The following SNX29 variants were observed in gnomAD, a reference collection of about 807,000 sequenced individuals.
The protein encoded by SNX29 is sorting nexin-29.
SNX29 carries 78 observed loss-of-function variants against 102.1 expected under a neutral mutation model. The observed-to-expected ratio is 0.76, with a 90% CI of 0.64 to 0.92. The LOEUF is 0.92. Ranked by LOEUF, SNX29 falls within the 40% of genes least tolerant of loss-of-function variation. The pLI is 0.00. For missense variants in SNX29, 1,280 were observed against 1,061.7 expected (o/e 1.21, Z -2.86); for synonymous variants, 580 against 414.5 (o/e 1.40, Z -4.85).
intron 19 of SNX29, among the ~76,000 whole-genome samples, chr16:12,522,760 T>G (rs2090147950): frequency 6.6e-6 from 1 of 152,190 alleles, no homozygotes; most frequent in Non-Finnish European, 1.5e-5. Context: ...CATGAGCCAG[T>G]TAAACCTCTT....
At chr16:12,140,202 CTCTT>C (rs1372309530) in intron 13 of SNX29, among the ~76,000 whole-genome samples, 4 of 152,216 alleles carry the variant, frequency 2.6e-5, no homozygotes, top group African/African-American at 7.2e-5. Flanking sequence ...TGTCTCCTCT[CTCTT>C]TCCCTCGGTC....
At chr16:12,145,597 C>G (rs1214097023) in intron 13 of SNX29, among the ~76,000 whole-genome samples, 1 of 152,164 alleles carries the variant, frequency 6.6e-6, no homozygotes, top group Non-Finnish European at 1.5e-5. Flanking sequence ...ACACAATTAC[C>G]ATCAATGAAT....
chr16:12,071,312 G>A lies in SNX29; in HGVS notation c.1319+2180G>A, dbSNP rs368527422. 3.9e-5 allele frequency among the ~76,000 whole-genome samples: 6 copies of A among 152,264 alleles called. No individual in the cohort carries two copies. In the East Asian group the frequency reaches 5.8e-4, roughly 15 times the overall value. On this transcript the variant is annotated intron_variant, in intron 10 of 20. Transcript: ENST00000566228. ...GTTTTTATGGTTTTAGGTCTAACAT[G>A]TAAGTCTTTAATCCATCTTGAATTA...
intron 18 of SNX29, among the ~76,000 whole-genome samples, chr16:12,408,726 A>T (rs1056090957): frequency 6.6e-6 from 1 of 152,226 alleles, no homozygotes; most frequent in Non-Finnish European, 1.5e-5. Context: ...AGGCTGAGGC[A>T]GGAGACTCAC....
rs764285313 is a variant in SNX29 at position 12,198,214 on chromosome 16, TGGGAAA to T, written c.1596-1385_1596-1380del. On this transcript the variant is annotated intron_variant, in intron 13 of 20. Coordinates refer to ENST00000566228, the MANE Select transcript of SNX29 (RefSeq NM_032167.5). The stretch of plus-strand genomic sequence containing the variant: ...ACTAGGTTTTTGCCATTGGTTACCA[TGGGAAA>T]GTGTTGAGTGGAACAGTAAACAAGG... 7.2e-5 allele frequency among the ~76,000 whole-genome samples: 11 copies of T among 152,184 alleles called. No homozygotes were observed. In the South Asian group the frequency reaches 1.5e-3, roughly 20 times the overall value.
chr16:12,538,839 T>G (rs558173973), intron 20 of SNX29, among the ~76,000 whole-genome samples: 1 of 152,140 alleles, frequency 6.6e-6, no homozygotes, highest in African/African-American at 2.4e-5. Context: ...CAAAGTCACG[T>G]GGCAAAGAGG....
intron 18 of SNX29, among the ~76,000 whole-genome samples, chr16:12,475,272 G>T (rs920496357): frequency 2.6e-5 from 4 of 152,232 alleles, no homozygotes; most frequent in Non-Finnish European, 5.9e-5. Flanking sequence ...GCCTCAGATG[G>T]TTAATGCCAC....
At chr16:12,353,370 C>A (rs1044553955) in intron 15 of SNX29, among the ~76,000 whole-genome samples, 3 of 152,350 alleles carry the variant, frequency 2.0e-5, no homozygotes, top group Admixed American at 6.5e-5. Flanking sequence ...AACCAGCTCT[C>A]ATCCACTGGG....
intron 20 of SNX29, among the ~76,000 whole-genome samples, chr16:12,550,226 C>G (rs1567176701): frequency 6.6e-6 from 1 of 152,158 alleles, no homozygotes; most frequent in African/African-American, 2.4e-5. Flanking sequence ...CCACACAATA[C>G]CTTTCTAATT....
chr16:11,994,818 T>C (rs1238033573), intron 1 of SNX29, among the ~76,000 whole-genome samples: 1 of 152,146 alleles, frequency 6.6e-6, no homozygotes, highest in Non-Finnish European at 1.5e-5. Context: ...ACTGGTAGCA[T>C]TGATTGCTCT....
intron 15 of SNX29, among the ~76,000 whole-genome samples, chr16:12,322,870 GGTCACTGGA>G (rs2080988195): frequency 6.9e-6 from 1 of 145,900 alleles, no homozygotes; most frequent in South Asian, 2.2e-4. Flanking sequence ...GTCAGGATGC[GGTCACTGGA>G]GTCACTGGGG....
intron 13 of SNX29, among the ~76,000 whole-genome samples, chr16:12,148,045 C>A (rs369812343): frequency 6.6e-6 from 1 of 152,154 alleles, no homozygotes; most frequent in Non-Finnish European, 1.5e-5. Context: ...CAAACATAGC[C>A]GAAGCAAAGA....
chr16:12,554,150 GTT>G (rs1425516813), intron 20 of SNX29, among the ~76,000 whole-genome samples: 1 of 152,164 alleles, frequency 6.6e-6, no homozygotes, highest in East Asian at 1.9e-4. Flanking sequence ...TCTTTACTGT[GTT>G]TAAGTAAATG....
At chr16:12,555,085 A>T (rs575443626) in intron 20 of SNX29, among the ~76,000 whole-genome samples, 1 of 151,674 alleles carries the variant, frequency 6.6e-6, no homozygotes, top group Admixed American at 6.6e-5. Flanking sequence ...GTGGAGGAAA[A>T]GTGAAAGGGC....
chr16:12,225,082 A>C (rs1596554483), intron 14 of SNX29, among the ~76,000 whole-genome samples: 1 of 152,174 alleles, frequency 6.6e-6, no homozygotes, highest in Non-Finnish European at 1.5e-5. Context: ...ATTCTAACAA[A>C]CAGTGCCTTT....
At chr16:12,461,733 G>A (rs1228950397) in intron 18 of SNX29, among the ~76,000 whole-genome samples, 4 of 151,612 alleles carry the variant, frequency 2.6e-5, no homozygotes, top group Non-Finnish European at 4.4e-5. Flanking sequence ...AAGGCGAGCA[G>A]ATCACTTGAG....
At chr16:12,120,137 A>T (rs1261008706) in intron 11 of SNX29, among the ~76,000 whole-genome samples, 1 of 152,208 alleles carries the variant, frequency 6.6e-6, no homozygotes. Context: ...GATATAGTTT[A>T]TCCTTTCTTT....
intron 20 of SNX29, among the ~76,000 whole-genome samples, chr16:12,541,057 T>G (rs1283326874): frequency 6.6e-6 from 1 of 152,174 alleles, no homozygotes; most frequent in Non-Finnish European, 1.5e-5. Context: ...TGCTATTTAG[T>G]TTCCTGAGTT....
intron 9 of SNX29, among the ~76,000 whole-genome samples, chr16:12,067,383 T>C (rs1048901682): frequency 8.5e-5 from 13 of 152,104 alleles, no homozygotes; most frequent in African/African-American, 3.1e-4. Context: ...GGGAATGGCA[T>C]GGAGGATGGA....
Sources: gnomAD v4.1 joint callset for allele counts (sites outside exome capture counted in the v4.1 genomes callset) on GRCh38, gnomAD v4.1.1 for gene constraint, MANE v1.5 for transcripts, NCBI Gene and HGNC (gene_info 2026-07-23, HGNC 2026-07-21) for gene names.